Variants in TNFRSF1B observed in about 807,000 individuals in gnomAD.
The protein encoded by TNFRSF1B is tumor necrosis factor receptor superfamily member 1B.
Under a neutral mutation model 44.6 loss-of-function variants are expected in TNFRSF1B, and 19 were observed. That is an observed-to-expected ratio of 0.43 (90% CI 0.30 to 0.62). The LOEUF (loss-of-function observed/expected upper bound fraction) is 0.62. Among genes scored for constraint, TNFRSF1B ranks in the 20% least tolerant of loss-of-function variants. The probability of loss-of-function intolerance (pLI) is 0.16; values close to 1 mark genes in which losing one functional copy is unlikely to be tolerated. For synonymous variants in TNFRSF1B, 252 were observed against 261.1 expected (o/e 0.97, Z 0.34); for missense variants, 541 against 619.9 (o/e 0.87, Z 1.35).
At chr1:12,197,094 T>C (rs1639283859) in intron 8 of TNFRSF1B, among the ~76,000 whole-genome samples, 1 of 152,070 alleles carries the variant, frequency 6.6e-6, no homozygotes, top group Non-Finnish European at 1.5e-5. Flanking sequence ...ACTATGGGCA[T>C]GCGCCACCAT....
intron 8 of TNFRSF1B, among the ~76,000 whole-genome samples, chr1:12,197,376 C>T (rs1324196109): frequency 6.6e-6 from 1 of 152,218 alleles, no homozygotes; most frequent in Non-Finnish European, 1.5e-5. Flanking sequence ...TTGCTAATTT[C>T]TGTGGTATAA....
At chr1:12,182,729 A>T (rs1232056925) in intron 1 of TNFRSF1B, among the ~76,000 whole-genome samples, 2 of 152,228 alleles carry the variant, frequency 1.3e-5, no homozygotes, top group Non-Finnish European at 2.9e-5. Flanking sequence ...GGCCTGGCAC[A>T]TAGTAGTTGC....
intron 1 of TNFRSF1B, chr1:12,167,432 C>T (rs1033519134): frequency 2.3e-6 from 1 of 439,428 alleles, no homozygotes; most frequent in Non-Finnish European, 4.1e-6. Flanking sequence ...AGGGGCGCAC[C>T]CTGGTTCCTC....
At chr1:12,176,695 A>G (rs1638663931) in intron 1 of TNFRSF1B, among the ~76,000 whole-genome samples, 1 of 152,208 alleles carries the variant, frequency 6.6e-6, no homozygotes, top group East Asian at 1.9e-4. Flanking sequence ...AGAGAGTGAC[A>G]GGGCAAAGAT....
chr1:12,171,716 C>T lies in TNFRSF1B; in HGVS notation c.78+4547C>T, dbSNP rs929379301. On this transcript the variant is annotated intron_variant, in intron 1 of 9. Transcript: ENST00000376259. The surrounding 1 kb of genome is among the most constrained non-coding windows in gnomAD (Gnocchi z 4.5). ...GTCCCGTGAGCTGTAGGATGTTTAG[C>T]GACATCCCTGGCCTCTACTTATTGG... 4.6e-5 allele frequency among the ~76,000 whole-genome samples: 7 copies of T among 152,116 alleles called. No individual in the cohort carries two copies. Among genetic ancestry groups the T allele is most frequent in the African/African-American group, 1.4e-4 (6 of 41,412 alleles).
chr1:12,183,578 A>G (rs535254148), intron 1 of TNFRSF1B, among the ~76,000 whole-genome samples: 46 of 151,020 alleles, frequency 3.0e-4, no homozygotes, highest in African/African-American at 1.1e-3. Flanking sequence ...TCTATCATCT[A>G]TCTAGCTATC....
chr1:12,201,023 TAGG>T (rs935772795), intron 8 of TNFRSF1B, among the ~76,000 whole-genome samples: 6 of 151,730 alleles, frequency 4.0e-5, no homozygotes, highest in African/African-American at 1.5e-4. Flanking sequence ...GAGGCCAGGG[TAGG>T]AGGATGGCTT....
At chr1:12,203,683 A>T (rs1465564244) in intron 9 of TNFRSF1B, among the ~76,000 whole-genome samples, 1 of 152,084 alleles carries the variant, frequency 6.6e-6, no homozygotes, top group East Asian at 1.9e-4. Context: ...GTGCGCTCCA[A>T]TTATAAACTC....
chr1:12,192,699 G>T (rs1229336116), intron 5 of TNFRSF1B, among the ~76,000 whole-genome samples, 164 bp from the exon 6 acceptor site: 2 of 152,056 alleles, frequency 1.3e-5, no homozygotes, highest in African/African-American at 4.8e-5. Context: ...AGGCAGGACT[G>T]GGTGGGTGCA....
At position 12,202,056 on chromosome 1, in the gene TNFRSF1B, C is replaced by T. The variant is rs1222525143; in HGVS notation, c.990C>T (p.Ser330=). Residue 330 remains serine, a synonymous_variant, in exon 9 of 10, where the codon TCC becomes TCT. Transcript: ENST00000376259. The stretch of plus-strand genomic sequence containing the variant: ...CAGCGCCGAGCTCCAGCAGCAGCTC[C>T]CTGGAGAGCTCGGCCAGTGCGTTGG... ...LITAPSSSSS[S]LESSASALDR... 3.7e-6 allele frequency: 6 copies of T among 1,608,350 alleles called. No homozygotes were observed. The highest frequency in any genetic ancestry group is 1.3e-5 in the African/African-American group (1 of 74,854).
rs981800406 is a variant in TNFRSF1B, at chr1:12,192,904, C to T, written c.593C>T (p.Ala198Val). The change falls in exon 6 of 10, where the codon GCA becomes GTA. Residue 198 changes from alanine to valine, a missense_variant. By Grantham distance (64) the Ala-to-Val change is moderately conservative (BLOSUM62 0). Transcript: ENST00000376259. ...VAIPGNASMD[A>V]VCTSTSPTRS... is the part of the protein sequence containing the mutation. Reference sequence around the variant, plus strand: ...ATCCCTGGGAATGCAAGCATGGATGCAGTCTGCACGTCCACGTCCCCCACC... The same window carrying T: ...ATCCCTGGGAATGCAAGCATGGATGTAGTCTGCACGTCCACGTCCCCCACC... 1 of 1,614,170 alleles carries T rather than the reference C, an allele frequency of 6.2e-7. No homozygotes were observed. The highest frequency in any genetic ancestry group is 8.5e-7 in the Non-Finnish European group (1 of 1,180,022).
At chr1:12,200,960 AC>A (rs1191942100) in intron 8 of TNFRSF1B, among the ~76,000 whole-genome samples, 1 of 152,038 alleles carries the variant, frequency 6.6e-6, no homozygotes, top group Non-Finnish European at 1.5e-5. Flanking sequence ...ACCATTTAAA[AC>A]ATGAAAACCA....
At position 12,180,331 on chromosome 1, in the gene TNFRSF1B, CG is replaced by C. The variant is rs1452610794; in HGVS notation, c.79-8463del. Among the ~76,000 whole-genome samples the C allele has an allele frequency of 6.6e-6, 1 of 152,154 alleles. No homozygotes were observed. Among genetic ancestry groups the C allele is most frequent in the Non-Finnish European group, 1.5e-5 (1 of 68,040 alleles). ...CAAAGAAGGCTGTGCTAATGGCGGC[CG>C]GAAGAGCAGAGGGCACCACAGATGC... is the stretch of plus-strand genomic sequence containing the variant. On this transcript the variant is annotated intron_variant, in intron 1 of 9. Transcript: ENST00000376259. The surrounding 1 kb of genome is among the most constrained non-coding windows in gnomAD (Gnocchi z 4.3).
intron 9 of TNFRSF1B, among the ~76,000 whole-genome samples, chr1:12,203,671 G>C (rs947745002): frequency 2.0e-5 from 3 of 152,222 alleles, no homozygotes; most frequent in African/African-American, 7.2e-5. Flanking sequence ...ATGAATGAAT[G>C]AGTGCGCTCC....
chr1:12,173,878 T>C (rs770581219), intron 1 of TNFRSF1B, among the ~76,000 whole-genome samples: 1 of 152,078 alleles, frequency 6.6e-6, no homozygotes, highest in Non-Finnish European at 1.5e-5. Flanking sequence ...ATGTCACAGG[T>C]GGCAGTGATG....
chr1:12,183,661 T>TATC (rs1638869429), intron 1 of TNFRSF1B, among the ~76,000 whole-genome samples: 1 of 65,406 alleles, frequency 1.5e-5, no homozygotes, highest in Non-Finnish European at 3.0e-5. Flanking sequence ...CTATTTTATC[T>TATC]ATCTATCTAT....
chr1:12,202,309 G>A (rs371185109), intron 9 of TNFRSF1B, 138 bp downstream of exon 9: 9 of 1,350,100 alleles, frequency 6.7e-6, no homozygotes, highest in East Asian at 5.0e-5. Flanking sequence ...CCTTCGGTTC[G>A]CTGAACCTAA....
chr1:12,204,813 AC>A (rs375304935), intron 9 of TNFRSF1B, among the ~76,000 whole-genome samples: 28 of 151,488 alleles, frequency 1.8e-4, no homozygotes, highest in East Asian at 1.2e-3. Context: ...CACCACCACC[AC>A]CAACAAAAAA....
At chr1:12,191,189 TG>T in intron 3 of TNFRSF1B, 104 bp downstream of exon 3, 1 of 1,483,662 alleles carries the variant, frequency 6.7e-7, no homozygotes, top group Admixed American at 2.0e-5. Flanking sequence ...TACCCCAGGC[TG>T]GTTGTTGGAA....
Sources: allele counts gnomAD v4.1 joint callset (sites outside exome capture counted in the v4.1 genomes callset), GRCh38; gene constraint gnomAD v4.1.1; non-coding constraint Gnocchi (gnomAD v3.1); transcripts MANE v1.5; gene names NCBI Gene and HGNC (gene_info 2026-07-23, HGNC 2026-07-21).